KALRN: variants seen among roughly 807,000 people sequenced by gnomAD.
The protein encoded by KALRN is kalirin.
Under a neutral mutation model 353.7 loss-of-function variants are expected in KALRN, and 70 were observed. The ratio of observed to expected loss-of-function variants is 0.20; its 90% CI spans 0.16 to 0.24. KALRN has a LOEUF of 0.24. Among genes scored for constraint, KALRN ranks in the 10% least tolerant of loss-of-function variants. The pLI is 1.00. For synonymous variants in KALRN, 1,391 were observed against 1,434.8 expected (o/e 0.97, Z 0.69); for missense variants, 2,791 against 3,756.7 (o/e 0.74, Z 6.72).
intron 13 of KALRN, among the ~76,000 whole-genome samples, chr3:124,411,537 G>C (rs2092159355): frequency 7.1e-6 from 1 of 139,910 alleles, no homozygotes; most frequent in African/African-American, 2.6e-5. Context: ...GAACTCCTGG[G>C]CTCAAGTGAT....
At chr3:124,208,827 G>T (rs1053866006) in intron 1 of KALRN, among the ~76,000 whole-genome samples, 11 of 151,932 alleles carry the variant, frequency 7.2e-5, no homozygotes, top group Non-Finnish European at 1.5e-5. Flanking sequence ...TTAGTTGGGT[G>T]TGGTGGTACA....
chr3:124,629,428 A>G (rs562435000), intron 34 of KALRN, among the ~76,000 whole-genome samples: 1 of 152,342 alleles, frequency 6.6e-6, no homozygotes, highest in East Asian at 1.9e-4. Context: ...CAGTAGTCTC[A>G]TAATAAAGTT....
chr3:124,495,957 G>GTATATATATATATATATA (rs201949824), intron 32 of KALRN, among the ~76,000 whole-genome samples: 4 of 44,228 alleles, frequency 9.0e-5, no homozygotes, highest in East Asian at 9.4e-4. Flanking sequence ...GTGTGTATGT[G>GTATATATATATATATATA]TATGTATGTA....
intron 33 of KALRN, among the ~76,000 whole-genome samples, chr3:124,523,825 G>A (rs2067358367): frequency 6.6e-6 from 1 of 152,180 alleles, no homozygotes; most frequent in South Asian, 2.1e-4. Flanking sequence ...TCTCATGGTA[G>A]GGACCCTGTG....
At chr3:124,426,692 C>G (rs1362848282) in intron 15 of KALRN, among the ~76,000 whole-genome samples, 3 of 152,096 alleles carry the variant, frequency 2.0e-5, no homozygotes, top group African/African-American at 7.2e-5. Flanking sequence ...GAAGGGAAAC[C>G]ACTCCACTGA....
chr3:124,682,597 A>G (rs1032601030), intron 51 of KALRN, among the ~76,000 whole-genome samples: 3 of 152,138 alleles, frequency 2.0e-5, no homozygotes, highest in African/African-American at 7.2e-5. Context: ...CTTTTTCTCA[A>G]TAAGTGGACC....
At chr3:124,637,570 A>T (rs1311873262) in intron 37 of KALRN, among the ~76,000 whole-genome samples, 1 of 152,182 alleles carries the variant, frequency 6.6e-6, no homozygotes, top group Admixed American at 6.5e-5. Context: ...TGCAAGCCTG[A>T]TCCAGCGGCC....
chr3:124,374,065 A>T (rs1374190353), intron 10 of KALRN, among the ~76,000 whole-genome samples: 1 of 152,142 alleles, frequency 6.6e-6, no homozygotes, highest in African/African-American at 2.4e-5. Context: ...CTAATTCCCA[A>T]TGTGGTTGTA....
At chr3:124,538,648 G>A (rs1047133611) in intron 33 of KALRN, among the ~76,000 whole-genome samples, 1 of 152,158 alleles carries the variant, frequency 6.6e-6, no homozygotes, top group African/African-American at 2.4e-5. Flanking sequence ...AAAGATGAAT[G>A]TGGAGATTTA....
intron 10 of KALRN, among the ~76,000 whole-genome samples, chr3:124,353,150 T>A (rs538804533): frequency 6.6e-6 from 1 of 152,220 alleles, no homozygotes; most frequent in Non-Finnish European, 1.5e-5. Context: ...CTTGATACTT[T>A]GTTGACTTAG....
intron 1 of KALRN, among the ~76,000 whole-genome samples, chr3:124,166,765 G>A (rs759306000): frequency 1.3e-4 from 20 of 152,268 alleles, no homozygotes; most frequent in Admixed American, 5.9e-4. Flanking sequence ...AGGGCCCGGC[G>A]TGGTGGCTCA....
At position 124,671,503 on chromosome 3, in the gene KALRN, A is replaced by G. The variant is rs2086446975; in HGVS notation, c.6704-157A>G. Among the ~76,000 whole-genome samples, 3 of 152,136 alleles carry G rather than the reference A, an allele frequency of 2.0e-5. No homozygotes were observed. In the South Asian group the frequency reaches 6.2e-4, roughly 32 times the overall value. On this transcript the variant is annotated intron_variant, in intron 47 of 59. Transcript: ENST00000682506. ...TTTGTTTTTTGTATTTTCATTATTT[A>G]GGTAGATGTCTTAGTTCTCCCATTG... is the stretch of plus-strand genomic sequence containing the variant.
In KALRN at chr3:124,455,250, C is replaced by T. The variant is rs139468141; in HGVS notation, c.3626C>T (p.Thr1209Met). 46 of 1,614,032 alleles carry T rather than the reference C, an allele frequency of 2.9e-5. No individual in the cohort carries two copies. The East Asian group carries it at 5.3e-4, about 19-fold the overall frequency. The stretch of plus-strand genomic sequence containing the variant: ...GTGGAAAAAGGCCACATTCATGCCA[C>T]GGAGATAAGGAAATGGGTGACCACG... ...SFVEKGHIHA[T>M]EIRKWVTTVD... The change falls in exon 22 of 60, where the codon ACG becomes ATG. Residue 1209 changes from threonine (T) to methionine (M), a missense_variant. By Grantham distance (81) the Thr-to-Met change is moderately conservative (BLOSUM62 -1). Transcript: ENST00000682506.
chr3:124,165,091 T>A (rs928408876), intron 1 of KALRN, among the ~76,000 whole-genome samples: 5 of 152,252 alleles, frequency 3.3e-5, no homozygotes, highest in African/African-American at 1.2e-4. Flanking sequence ...TCAGGAGGAA[T>A]GGAAACTTGT....
intron 33 of KALRN, among the ~76,000 whole-genome samples, chr3:124,560,440 T>A (rs2071835531): frequency 6.6e-6 from 1 of 152,034 alleles, no homozygotes. Context: ...TTCTACAGAG[T>A]CCATTAGCGA....
chr3:124,717,123 T>G, intron 58 of KALRN, 124 bp from the exon 59 acceptor site: 7 of 801,438 alleles, frequency 8.7e-6, no homozygotes, highest in Non-Finnish European at 9.5e-6. Flanking sequence ...GTGTTGCACA[T>G]TTGGTCTTCA....
At chr3:124,678,984 GGACCAA>G (rs2087503766) in intron 50 of KALRN, among the ~76,000 whole-genome samples, 3 of 21,782 alleles carry the variant, frequency 1.4e-4, no homozygotes, top group African/African-American at 6.2e-4. Flanking sequence ...ATCTGCCAAT[GGACCAA>G]TGGACAATGG....
chr3:124,203,902 G>A (rs1249974995), intron 1 of KALRN, among the ~76,000 whole-genome samples: 1 of 152,196 alleles, frequency 6.6e-6, no homozygotes, highest in Non-Finnish European at 1.5e-5. Flanking sequence ...TCAACCAAAT[G>A]CAAATTGAAA....
At chr3:124,230,948 G>A (rs9844179) in intron 2 of KALRN, among the ~76,000 whole-genome samples, 151,858 of 151,886 alleles carry the variant, frequency 1, 75,915 homozygotes, top group Middle Eastern at 1. Flanking sequence ...AAAACAAAAT[G>A]AAGAAACCTA....
Sources: allele counts gnomAD v4.1 joint callset (sites outside exome capture counted in the v4.1 genomes callset), GRCh38; gene constraint gnomAD v4.1.1; transcripts MANE v1.5; gene names NCBI Gene and HGNC (gene_info 2026-07-23, HGNC 2026-07-21).